Variants in COL4A2 observed in about 807,000 individuals in gnomAD.
COL4A2 encodes collagen type IV alpha 2 chain.
A neutral mutation model predicts 200.2 loss-of-function variants in COL4A2; 99 were observed. That is an observed-to-expected ratio of 0.49 (90% CI 0.42 to 0.58). The LOEUF (loss-of-function observed/expected upper bound fraction) is 0.58. COL4A2 is among the 20% of genes least tolerant of loss of function. The probability of loss-of-function intolerance (pLI) is 0.00; values close to 1 mark genes in which losing one functional copy is unlikely to be tolerated. For synonymous variants in COL4A2, 897 were observed against 900.6 expected (o/e 1.00, Z 0.07); for missense variants, 1,950 against 2,314.1 (o/e 0.84, Z 3.23).
chr13:110,425,618 T>G (rs941260563), intron 6 of COL4A2, among the ~76,000 whole-genome samples: 2 of 152,196 alleles, frequency 1.3e-5, no homozygotes, highest in African/African-American at 2.4e-5. Flanking sequence ...CAGGGATCAA[T>G]GTGTTTATCG....
At position 110,465,484 on chromosome 13, in the gene COL4A2, G is replaced by GC. The variant is rs1387826920; in HGVS notation, c.1862dup (p.Gly622ArgfsTer41). Reference sequence around the variant, plus strand: ...ACGAAGGGTACTCCAGGAGAAATGGGCCCCCCAGGACTGGGCCTTCCCGGC... The same window carrying GC: ...ACGAAGGGTACTCCAGGAGAAATGGGCCCCCCCAGGACTGGGCCTTCCCGGC... On this transcript the variant is annotated frameshift_variant, in exon 25 of 48. Coordinates refer to ENST00000360467, the MANE Select transcript of COL4A2 (RefSeq NM_001846.4). LOFTEE classifies it high-confidence loss of function. The GC allele has an allele frequency of 2.5e-6, 4 of 1,613,948 alleles. No individual in the cohort carries two copies. Among genetic ancestry groups the GC allele is most frequent in the Non-Finnish European group, 3.4e-6 (4 of 1,179,990 alleles).
intron 4 of COL4A2, among the ~76,000 whole-genome samples, chr13:110,394,601 A>C (rs2076805257): frequency 6.6e-6 from 1 of 152,206 alleles, no homozygotes; most frequent in Non-Finnish European, 1.5e-5. Context: ...GTCTTGGTGC[A>C]CACGACCTCT....
chr13:110,489,829 T>G, intron 36 of COL4A2, 44 bp downstream of exon 36: 1 of 1,566,694 alleles, frequency 6.4e-7, no homozygotes, highest in Non-Finnish European at 8.6e-7. Flanking sequence ...ACAACAGCCC[T>G]GAGCCTTTGT....
intron 3 of COL4A2, among the ~76,000 whole-genome samples, chr13:110,356,949 A>G (rs1877299755): frequency 6.6e-6 from 1 of 152,054 alleles, no homozygotes; most frequent in South Asian, 2.1e-4. Context: ...TATTTTTAGT[A>G]GAGACGGGGT....
chr13:110,374,332 GA>G (rs1878145171), intron 4 of COL4A2, among the ~76,000 whole-genome samples: 1 of 152,146 alleles, frequency 6.6e-6, no homozygotes, highest in Non-Finnish European at 1.5e-5. Context: ...TCTGACCCGA[GA>G]TCTGGAGCCA....
intron 29 of COL4A2, among the ~76,000 whole-genome samples, chr13:110,476,037 G>A (rs1882691395): frequency 6.6e-6 from 1 of 152,224 alleles, no homozygotes. Flanking sequence ...GGGAGGAAGG[G>A]CAGCGCTCAG....
rs141764026 is a variant in COL4A2, at chr13:110,368,525, AAG to A, written c.180+10978_180+10979del. Among the ~76,000 whole-genome samples, 751 of 152,258 alleles carry A rather than the reference AAG, an allele frequency of 4.9e-3. 5 individuals are homozygous for A. Among genetic ancestry groups the A allele is most frequent in the Non-Finnish European group, 7.9e-3 (539 of 67,998 alleles). On this transcript the variant is annotated intron_variant, in intron 4 of 47. Coordinates refer to ENST00000360467, the MANE Select transcript of COL4A2 (RefSeq NM_001846.4). ...ATTCTTTCTAGAGAAAATAAATAGAAAGAGAGGTTTCTTTCTATTTCCTTATC... is the reference window on the plus strand; with the variant it reads ...ATTCTTTCTAGAGAAAATAAATAGAAAGAGGTTTCTTTCTATTTCCTTATC...
intron 15 of COL4A2, among the ~76,000 whole-genome samples, chr13:110,439,125 T>G (rs1240267467): frequency 6.6e-6 from 1 of 152,194 alleles, no homozygotes; most frequent in South Asian, 2.1e-4. Context: ...TTCAGCCACC[T>G]GGGAGACAGA....
chr13:110,380,449 T>C (rs1172335310), intron 4 of COL4A2, among the ~76,000 whole-genome samples: 1 of 152,236 alleles, frequency 6.6e-6, no homozygotes, highest in Non-Finnish European at 1.5e-5. Flanking sequence ...TGTTAAAATT[T>C]AAATATTAAT....
At chr13:110,480,127 T>C in intron 30 of COL4A2, 93 bp from the exon 31 acceptor site, 3 of 1,352,342 alleles carry the variant, frequency 2.2e-6, no homozygotes, top group Middle Eastern at 2.8e-4. Flanking sequence ...TAAGGAGCTT[T>C]TCTTACTGAA....
intron 20 of COL4A2, among the ~76,000 whole-genome samples, chr13:110,456,094 C>T (rs962049964): frequency 2.6e-5 from 4 of 152,344 alleles, no homozygotes; most frequent in Middle Eastern, 3.4e-3. Context: ...TGCGATGGCG[C>T]GCTCTTTGCT....
At chr13:110,468,212 G>C (rs548711079) in intron 27 of COL4A2, 1 of 471,448 alleles carries the variant, frequency 2.1e-6, no homozygotes, top group African/African-American at 2.0e-5. Flanking sequence ...GGGAGCACAG[G>C]ACAAATGCAG....
intron 4 of COL4A2, among the ~76,000 whole-genome samples, chr13:110,385,067 G>A (rs963985680): frequency 9.9e-5 from 15 of 152,190 alleles, no homozygotes; most frequent in East Asian, 7.7e-4. Context: ...GATCGAGACC[G>A]TCTTGGCTAA....
intron 45 of COL4A2, among the ~76,000 whole-genome samples, chr13:110,504,697 C>T (rs1369488864): frequency 1.3e-5 from 2 of 152,240 alleles, no homozygotes; most frequent in South Asian, 2.1e-4. Flanking sequence ...CTTCTGCCTC[C>T]CGGGTTCAAG....
intron 4 of COL4A2, among the ~76,000 whole-genome samples, chr13:110,386,255 G>A (rs1878744698): frequency 6.6e-6 from 1 of 152,098 alleles, no homozygotes; most frequent in South Asian, 2.1e-4. Context: ...GTAGCTTTCA[G>A]CCTCCCTGAC....
At chr13:110,322,993 T>A (rs146558406) in intron 3 of COL4A2, among the ~76,000 whole-genome samples, 1 of 152,178 alleles carries the variant, frequency 6.6e-6, no homozygotes. Context: ...CGTGTTGCCA[T>A]CTCCTTTTTA....
chr13:110,453,985 C>T (rs1881630151), intron 20 of COL4A2, among the ~76,000 whole-genome samples: 2 of 152,220 alleles, frequency 1.3e-5, no homozygotes, highest in Non-Finnish European at 1.5e-5. Flanking sequence ...TTGTTAACTA[C>T]ATTTCATCCT....
At chr13:110,411,177 G>A (rs1879817538) in intron 4 of COL4A2, among the ~76,000 whole-genome samples, 2 of 152,248 alleles carry the variant, frequency 1.3e-5, no homozygotes, top group South Asian at 2.1e-4. Flanking sequence ...GGGCCTCTGC[G>A]AAGCGGCCTC....
chr13:110,354,552 A>T (rs1247738072), intron 3 of COL4A2, among the ~76,000 whole-genome samples: 1 of 152,028 alleles, frequency 6.6e-6, no homozygotes, highest in African/African-American at 2.4e-5. Flanking sequence ...AGACAAAAAG[A>T]TCACTGGAAA....
Sources: gnomAD v4.1 joint callset for allele counts (sites outside exome capture counted in the v4.1 genomes callset) on GRCh38, gnomAD v4.1.1 for gene constraint, MANE v1.5 for transcripts, NCBI Gene and HGNC (gene_info 2026-07-23, HGNC 2026-07-21) for gene names.